The following HLA-DPA1 variants were observed in gnomAD, a reference collection of about 807,000 sequenced individuals.
HLA-DPA1 encodes the protein major histocompatibility complex, class II, DP alpha 1.
A neutral mutation model predicts 21.5 loss-of-function variants in HLA-DPA1; 20 were observed. That is an observed-to-expected ratio of 0.93 (90% CI 0.66 to 1.35). The LOEUF is 1.35. Ranked by LOEUF, HLA-DPA1 falls within the 40% of genes most tolerant of loss-of-function variation. HLA-DPA1 has a pLI of 0.00. For missense variants in HLA-DPA1, 279 were observed against 323.0 expected, an observed-to-expected ratio of 0.86 and a Z score of 1.05; for synonymous variants, 123 against 129.6, an observed-to-expected ratio of 0.95 and a Z score of 0.35.
intron 1 of HLA-DPA1, among the ~76,000 whole-genome samples, chr6:33,078,520 C>T (rs1418892406): frequency 1.3e-5 from 2 of 152,118 alleles, no homozygotes; most frequent in Non-Finnish European, 1.5e-5. Context: ...TTTAATATAT[C>T]CTATTCTGAA....
rs1054925217 is a variant in HLA-DPA1, at chr6:33,073,769, G to C, written c.-99-100C>G. ...TTGCTGGGTAAAGAGGACGCTGGAA[G>C]GTGCTGGGGAAGAGATGGGAGAATT... On this transcript the variant is annotated intron_variant, in intron 1 of 5. Coordinates refer to ENST00000419277, the Ensembl canonical transcript of HLA-DPA1. The C allele has an allele frequency of 7.3e-6, 4 of 545,182 alleles. No homozygotes were observed. In the Admixed American group the frequency reaches 1.0e-4, roughly 14 times the overall value. 33.8% of individuals were successfully genotyped at this position (545,182 alleles called of 1,614,324 possible).
intron 2 of HLA-DPA1, 35 bp from the exon 2 acceptor site, chr6:33,069,921 T>C (rs765430790): frequency 2.5e-6 from 4 of 1,589,522 alleles, no homozygotes; most frequent in Admixed American, 1.7e-5. Context: ...CACGACAAAA[T>C]GTCAGTTTGA....
intron 5 of HLA-DPA1, chr6:33,066,577 T>C (rs72867695): frequency 0.29 from 43,961 of 151,980 alleles, 8,402 homozygotes; most frequent in East Asian, 0.69. Flanking sequence ...TGGACTTCAT[T>C]ACAAAATATT....
intron 3 of HLA-DPA1, 159 bp downstream of exon 2, chr6:33,069,482 A>T: frequency 9.3e-7 from 1 of 1,074,044 alleles, no homozygotes; most frequent in Non-Finnish European, 1.4e-6. Context: ...CTGAGAAGAG[A>T]GGATGCAAGC....
At chr6:33,066,372 T>C (rs904913999) in intron 5 of HLA-DPA1, 4 of 152,224 alleles carry the variant, frequency 2.6e-5, no homozygotes, top group African/African-American at 4.8e-5. Flanking sequence ...TATTTAGTAG[T>C]TGTGGGAACA....
At chr6:33,076,187 A>G (rs1695305614) in intron 1 of HLA-DPA1, 4 of 1,292,876 alleles carry the variant, frequency 3.1e-6, no homozygotes, top group African/African-American at 1.5e-5. Flanking sequence ...TCAGGGAACA[A>G]TTCCTAGGGG....
chr6:33,078,969 G>A (rs1294059879), intron 1 of HLA-DPA1, among the ~76,000 whole-genome samples: 2 of 152,122 alleles, frequency 1.3e-5, no homozygotes, highest in African/African-American at 4.8e-5. Context: ...GAATTTTAGG[G>A]TCTGGGGCCC....
At chr6:33,074,677 T>C (rs1317344891) in intron 1 of HLA-DPA1, among the ~76,000 whole-genome samples, 1 of 152,228 alleles carries the variant, frequency 6.6e-6, no homozygotes, top group African/African-American at 2.4e-5. Flanking sequence ...GAGATTCTGT[T>C]ATTAGTGCTT....
intron 1 of HLA-DPA1, among the ~76,000 whole-genome samples, chr6:33,077,727 C>T (rs1762618184): frequency 6.6e-6 from 1 of 152,190 alleles, no homozygotes; most frequent in Non-Finnish European, 1.5e-5. Context: ...TTCCACTTTT[C>T]CTGCTTACAC....
intron 1 of HLA-DPA1, among the ~76,000 whole-genome samples, chr6:33,078,058 A>G (rs2073521): frequency 0.11 from 17,001 of 151,982 alleles, 1,700 homozygotes; most frequent in East Asian, 0.6. Flanking sequence ...TGACGGATGC[A>G]GCGCCCCCAT....
Position 33,068,270 on chromosome 6 carries a change from G to A in HLA-DPA1, c.*12+368C>T, listed in dbSNP as rs142740535. The A allele has an allele frequency of 2.8e-5, 5 of 181,050 alleles. No individual in the cohort carries two copies. In the East Asian group the frequency reaches 7.9e-4, roughly 28 times the overall value. The allele number at this position is 181,050 out of a possible 1,614,324, so 11.2% of individuals were successfully genotyped here. On this transcript the variant is annotated intron_variant, in intron 5 of 5. Transcript: ENST00000419277. ...ACAAAATAGGGTGAATAGGACAGTG[G>A]ATAAACAGTCTTGGATCCAGACTTT...
chr6:33,076,576 G>A (rs138214893), intron 1 of HLA-DPA1, among the ~76,000 whole-genome samples: 1 of 152,300 alleles, frequency 6.6e-6, no homozygotes, highest in Non-Finnish European at 1.5e-5. Flanking sequence ...CACGAAGAAT[G>A]CCTCTTATTC....
intron 1 of HLA-DPA1, chr6:33,075,978 C>T (rs1206121479): frequency 1.6e-6 from 2 of 1,229,232 alleles, no homozygotes; most frequent in African/African-American, 1.5e-5. Context: ...ACAGGAGCTC[C>T]CTTTAGCGAG....
At chr6:33,079,747 G>A in intron 1 of HLA-DPA1, 2 of 501,882 alleles carry the variant, frequency 4.0e-6, no homozygotes, top group South Asian at 1.4e-5. Flanking sequence ...ACTGTGCTGA[G>A]ATCGCTCACA....
intron 4 of HLA-DPA1, 66 bp downstream of exon 3, chr6:33,068,953 C>T: frequency 6.4e-7 from 1 of 1,562,754 alleles, no homozygotes; most frequent in Admixed American, 1.7e-5. Flanking sequence ...AAAGCTGGTG[C>T]AGAGGACACC....
rs1762771648 is a variant in HLA-DPA1, at chr6:33,080,403, C to T, written c.-100+277G>A. The T allele has an allele frequency of 6.0e-6, 4 of 661,370 alleles. No homozygotes were observed. Among genetic ancestry groups the T allele is most frequent in the Admixed American group, 4.2e-5 (2 of 48,048 alleles). The allele number at this position is 661,370 out of a possible 1,614,324, so 41.0% of individuals were successfully genotyped here. On this transcript the variant is annotated intron_variant, in intron 1 of 5. Transcript: ENST00000419277. The surrounding 1 kb of genome is among the most constrained non-coding windows in gnomAD (Gnocchi z 4.3). ...GCCACCAGCAGAAGGGACTGCCTTC[C>T]CCTCAGTGCTCGCCCCTCCCTAGTG...
intron 5 of HLA-DPA1, chr6:33,066,790 C>A (rs1178272754): frequency 6.6e-6 from 1 of 152,112 alleles, no homozygotes; most frequent in East Asian, 1.9e-4. Context: ...GAAAAGGAAC[C>A]CCCAAGTGGC....
At chr6:33,070,125 A>G (rs1209386330) in intron 2 of HLA-DPA1, among the ~76,000 whole-genome samples, 1 of 152,248 alleles carries the variant, frequency 6.6e-6, no homozygotes, top group Non-Finnish European at 1.5e-5. Context: ...TGATAAGTCA[A>G]GCTGCTTCCT....
chr6:33,074,778 G>GAATT lies in HLA-DPA1; in HGVS notation c.-99-1110_-99-1109insAATT, dbSNP rs201499442. Among the ~76,000 whole-genome samples the GAATT allele has an allele frequency of 3.6e-3, 542 of 152,212 alleles. 3 individuals carry two copies. The highest frequency in any genetic ancestry group is 0.026 in the East Asian group (133 of 5,186). On this transcript the variant is annotated intron_variant, in intron 1 of 5. Coordinates refer to ENST00000419277, the Ensembl canonical transcript of HLA-DPA1. Reference sequence around the variant, plus strand: ...AAAATAAATTACCTGAGACATCGAGGAAGTATTTGTCTAATTATCTATGGC... The same window carrying GAATT: ...AAAATAAATTACCTGAGACATCGAGGAATTAAGTATTTGTCTAATTATCTATGGC...
Sources: gnomAD v4.1 joint callset for allele counts (sites outside exome capture counted in the v4.1 genomes callset) on GRCh38, gnomAD v4.1.1 for gene constraint, Gnocchi (gnomAD v3.1) non-coding constraint, MANE v1.5 for transcripts, NCBI Gene and HGNC (gene_info 2026-07-23, HGNC 2026-07-21) for gene names.